Variants in MYO3B observed in about 807,000 individuals in gnomAD.
MYO3B encodes myosin IIIB.
A neutral mutation model predicts 174.6 loss-of-function variants in MYO3B; 156 were observed. The observed-to-expected ratio is 0.89, with a 90% CI of 0.78 to 1.02. The LOEUF (loss-of-function observed/expected upper bound fraction) is 1.02. MYO3B is among the 50% of genes least tolerant of loss of function. MYO3B has a pLI of 0.00. For missense variants in MYO3B, 1,632 were observed against 1,639.4 expected (o/e 1.00, Z 0.08); for synonymous variants, 563 against 569.1 (o/e 0.99, Z 0.15).
intron 16 of MYO3B, among the ~76,000 whole-genome samples, chr2:170,393,003 C>G (rs962524074): frequency 6.6e-6 from 1 of 151,800 alleles, no homozygotes; most frequent in East Asian, 1.9e-4. Flanking sequence ...TAATTAAAAC[C>G]CTTTCAACTT....
At chr2:170,565,216 T>C (rs1691987467) in intron 32 of MYO3B, among the ~76,000 whole-genome samples, 2 of 152,202 alleles carry the variant, frequency 1.3e-5, no homozygotes, top group Admixed American at 6.5e-5. Flanking sequence ...TGAGCATTCG[T>C]AGTATTGTTT....
In MYO3B at chr2:170,436,151, C is replaced by T. The variant is rs148875074; in HGVS notation, c.2651-7816C>T. Among the ~76,000 whole-genome samples the T allele has an allele frequency of 3.9e-4, 59 of 152,294 alleles. No homozygotes were observed. The East Asian group carries it at 6.6e-3, about 17-fold the overall frequency. On this transcript the variant is annotated intron_variant, in intron 22 of 34. Transcript: ENST00000408978. ...AAATTCCATTAGATGCCTCTGACTT[C>T]CGTTTTCTCCTTCCAACACAGGACA... is the stretch of plus-strand genomic sequence containing the variant.
intron 7 of MYO3B, among the ~76,000 whole-genome samples, chr2:170,307,001 G>C (rs2093704990): frequency 6.6e-6 from 1 of 152,024 alleles, no homozygotes; most frequent in Non-Finnish European, 1.5e-5. Context: ...ACCCAAAAGT[G>C]ATATAATTTT....
chr2:170,400,219 G>A lies in MYO3B; in HGVS notation c.1823G>A (p.Gly608Glu). Residue 608 changes from glycine to glutamate, a missense_variant, in exon 17 of 35, where the codon GGG becomes GAG. Gly to Glu is a moderately conservative substitution (Grantham distance 98). Coordinates refer to ENST00000408978, the MANE Select transcript of MYO3B (RefSeq NM_138995.5). The stretch of plus-strand genomic sequence containing the variant: ...CACTCAGTGTACAGAATTTTGGCTG[G>A]GATTTTGAATATTGGGAACATTGAG... ...EVHSVYRILA[G>E]ILNIGNIEFA... The A allele has an allele frequency of 1.9e-6, 3 of 1,613,890 alleles. No homozygotes were observed. Among genetic ancestry groups the A allele is most frequent in the South Asian group, 2.2e-5 (2 of 91,054 alleles).
At chr2:170,589,042 G>A (rs973018884) in intron 32 of MYO3B, among the ~76,000 whole-genome samples, 1 of 151,992 alleles carries the variant, frequency 6.6e-6, no homozygotes, top group Non-Finnish European at 1.5e-5. Flanking sequence ...TTAACTAATA[G>A]TTAGTTACTG....
chr2:170,535,020 C>G (rs529612787), intron 30 of MYO3B, among the ~76,000 whole-genome samples: 6 of 152,180 alleles, frequency 3.9e-5, no homozygotes, highest in African/African-American at 1.4e-4. Flanking sequence ...AAATTGCAGA[C>G]CCTGCCTCCA....
At chr2:170,313,140 T>C (rs2093751037) in intron 7 of MYO3B, among the ~76,000 whole-genome samples, 1 of 152,234 alleles carries the variant, frequency 6.6e-6, no homozygotes, top group African/African-American at 2.4e-5. Context: ...AAATAAAATA[T>C]TGCACTGTTT....
At chr2:170,255,060 C>T (rs1318786061) in intron 7 of MYO3B, among the ~76,000 whole-genome samples, 1 of 152,222 alleles carries the variant, frequency 6.6e-6, no homozygotes, top group African/African-American at 2.4e-5. Flanking sequence ...ACCCATGGCA[C>T]TACTGCTCTG....
intron 21 of MYO3B, among the ~76,000 whole-genome samples, chr2:170,405,981 T>G (rs562839037): frequency 1.3e-5 from 2 of 152,306 alleles, no homozygotes; most frequent in East Asian, 3.9e-4. Context: ...ATGTAGGTAA[T>G]GCAGGAAGGT....
At chr2:170,186,211 A>G (rs1003065039) in intron 1 of MYO3B, among the ~76,000 whole-genome samples, 1 of 152,144 alleles carries the variant, frequency 6.6e-6, no homozygotes, top group Non-Finnish European at 1.5e-5. Context: ...CATATTCCAG[A>G]TATTAGTGGA....
chr2:170,559,161 G>A (rs1259687860), intron 32 of MYO3B, among the ~76,000 whole-genome samples: 1 of 152,124 alleles, frequency 6.6e-6, no homozygotes, highest in Non-Finnish European at 1.5e-5. Flanking sequence ...CCAACCCAGA[G>A]CTAGAACCCA....
At chr2:170,603,373 A>G (rs1694632237) in intron 32 of MYO3B, among the ~76,000 whole-genome samples, 1 of 152,250 alleles carries the variant, frequency 6.6e-6, no homozygotes, top group Admixed American at 6.5e-5. Context: ...AAGAAAATAC[A>G]AAATACTATG....
intron 32 of MYO3B, among the ~76,000 whole-genome samples, chr2:170,557,179 G>A (rs1227754468): frequency 7.1e-6 from 1 of 141,536 alleles, no homozygotes; most frequent in Non-Finnish European, 1.5e-5. Flanking sequence ...TCGCTCTGTC[G>A]CCCAGGCTGG....
intron 32 of MYO3B, among the ~76,000 whole-genome samples, chr2:170,647,489 T>C (rs1198071768): frequency 3.3e-5 from 5 of 152,242 alleles, no homozygotes; most frequent in Admixed American, 2.0e-4. Context: ...AATGGATCAT[T>C]GTATCAGTGA....
intron 7 of MYO3B, among the ~76,000 whole-genome samples, chr2:170,265,808 G>T (rs753619030): frequency 6.6e-6 from 1 of 152,010 alleles, no homozygotes; most frequent in African/African-American, 2.4e-5. Flanking sequence ...ATTCTAAAAA[G>T]TATTTAAAAC....
Position 170,416,538 on chromosome 2 carries a change from A to C in MYO3B, c.2650+8694A>C, listed in dbSNP as rs2094580003. Among the ~76,000 whole-genome samples, 4 of 151,438 alleles carry C rather than the reference A, an allele frequency of 2.6e-5. No individual in the cohort carries two copies. The South Asian group carries it at 8.3e-4, about 31-fold the overall frequency. The stretch of plus-strand genomic sequence containing the variant: ...ACTCCGTCTCAAAAAAAAAAAAAAA[A>C]AAAAAGATACCAACTAGATCATGTC... On this transcript the variant is annotated intron_variant, in intron 22 of 34. Transcript: ENST00000408978.
chr2:170,214,382 T>C lies in MYO3B; in HGVS notation c.325T>C (p.Cys109Arg), dbSNP rs1206534665. ...TGTCTGGCACCTCTTCTTGCAGCTG[T>C]GTAATGGGGGCTCAGTCACTGAGCT... Reference protein sequence around the residue: ...GGQLWLVLELCNGGSVTELVK... With the variant: ...GGQLWLVLELRNGGSVTELVK... The change falls in exon 4 of 35, where the codon TGT becomes CGT. Residue 109 changes from cysteine (C) to arginine (R), a missense_variant. Coordinates refer to ENST00000408978, the MANE Select transcript of MYO3B (RefSeq NM_138995.5). 6.2e-7 allele frequency: 1 copy of C among 1,613,978 alleles called. No individual in the cohort carries two copies. The highest frequency in any genetic ancestry group is 8.5e-7 in the Non-Finnish European group (1 of 1,179,856).
In MYO3B at chr2:170,499,767, TCAGAGAGAA is replaced by T. The variant is rs1281990496; in HGVS notation, c.3249_3257del (p.Arg1087_Lys1089del). Reference sequence around the variant, plus strand: ...CTTGGAGCCAGGAGATACAAAAGGGTCAGAGAGAAGAGAGAGAAGGGAGCCATTGCCATC... The same window carrying T: ...CTTGGAGCCAGGAGATACAAAAGGGTGAGAGAGAAGGGAGCCATTGCCATC... On this transcript the variant is annotated inframe_deletion, in exon 27 of 35. Transcript: ENST00000408978. The T allele has an allele frequency of 3.1e-6, 5 of 1,613,938 alleles. No individual in the cohort carries two copies. The Admixed American group carries it at 8.3e-5, about 27-fold the overall frequency.
intron 22 of MYO3B, among the ~76,000 whole-genome samples, chr2:170,408,213 T>TA (rs2094523556): frequency 1.3e-5 from 2 of 152,244 alleles, no homozygotes; most frequent in Non-Finnish European, 2.9e-5. Flanking sequence ...GAAGATTATT[T>TA]CTACTTGTGT....
Sources: gnomAD v4.1 joint callset for allele counts (sites outside exome capture counted in the v4.1 genomes callset) on GRCh38, gnomAD v4.1.1 for gene constraint, MANE v1.5 for transcripts, NCBI Gene and HGNC (gene_info 2026-07-23, HGNC 2026-07-21) for gene names.